SMC2: variants seen among roughly 807,000 people sequenced by gnomAD.
SMC2 encodes the protein structural maintenance of chromosomes protein 2.
A neutral mutation model predicts 142.6 loss-of-function variants in SMC2; 41 were observed. That is an observed-to-expected ratio of 0.29 (90% CI 0.22 to 0.37). The LOEUF is 0.37. Among genes scored for constraint, SMC2 ranks in the 10% least tolerant of loss-of-function variants. The pLI is 1.00. For missense variants in SMC2, 1,265 were observed against 1,373.7 expected (o/e 0.92, Z 1.25); for synonymous variants, 463 against 457.5 (o/e 1.01, Z -0.15).
In SMC2 at chr9:104,118,313, T is replaced by G. The variant is rs768657081; in HGVS notation, c.1934T>G (p.Ile645Arg). The G allele has an allele frequency of 2.5e-6, 4 of 1,613,758 alleles. No homozygotes were observed. Residue 645 changes from isoleucine to arginine, a missense_variant, in exon 15 of 25, where the codon ATA (isoleucine) becomes AGA (arginine). By Grantham distance (97) the Ile-to-Arg change is moderately conservative (BLOSUM62 -3). Transcript: ENST00000374793. Reference protein sequence around the residue: ...NAKKVAFDKRIMTRTVTLGGD... With the variant: ...NAKKVAFDKRRMTRTVTLGGD... ...AAAAAAGTGGCCTTTGATAAGAGGA[T>G]AATGACTAGAACTGTAACTCTCGGA...
At chr9:104,118,136 G>A (rs373521688) in intron 14 of SMC2, 35 bp from the exon 15 acceptor site, 19 of 1,548,518 alleles carry the variant, frequency 1.2e-5, no homozygotes, top group Non-Finnish European at 1.6e-5. Context: ...AAAAGTAGTA[G>A]TATGTACTGT....
intron 23 of SMC2, among the ~76,000 whole-genome samples, chr9:104,136,899 G>T (rs112902328): frequency 6.6e-6 from 1 of 151,638 alleles, no homozygotes; most frequent in East Asian, 1.9e-4. Flanking sequence ...AATCCCAGCA[G>T]TTTGGGAGGC....
chr9:104,125,767 T>C lies in SMC2; in HGVS notation c.2451+662T>C, dbSNP rs73663502. On this transcript the variant is annotated intron_variant, in intron 18 of 24. Coordinates refer to ENST00000374793, the MANE Select transcript of SMC2 (RefSeq NM_006444.3). ...GTTGTAAACTGATGATACTTTGTTA[T>C]ATCTTTTAGCTAATGCCAAAGCTGG... 9.3e-3 allele frequency among the ~76,000 whole-genome samples: 1,414 copies of C among 152,368 alleles called. 29 individuals carry two copies. The highest frequency in any genetic ancestry group is 0.032 in the African/African-American group (1,340 of 41,586).
intron 9 of SMC2, among the ~76,000 whole-genome samples, chr9:104,108,946 G>C (rs1305783597): frequency 6.6e-6 from 1 of 152,106 alleles, no homozygotes; most frequent in Non-Finnish European, 1.5e-5. Context: ...CTGAGCTAAA[G>C]CATGAAAGGA....
intron 23 of SMC2, chr9:104,135,961 G>A (rs1835489670): frequency 3.9e-6 from 2 of 516,900 alleles, no homozygotes; most frequent in East Asian, 1.1e-4. Context: ...ATAAAGGAAA[G>A]AAGAGTGTTG....
chr9:104,114,362 A>G (rs1224653728), intron 12 of SMC2, among the ~76,000 whole-genome samples: 1 of 152,204 alleles, frequency 6.6e-6, no homozygotes, highest in Non-Finnish European at 1.5e-5. Context: ...TGTATCATTA[A>G]TGTTAAATAT....
intron 9 of SMC2, among the ~76,000 whole-genome samples, chr9:104,104,280 A>G (rs555616628): frequency 1.3e-5 from 2 of 152,304 alleles, no homozygotes; most frequent in Non-Finnish European, 2.9e-5. Context: ...CAGACATAAC[A>G]CATTCATACA....
chr9:104,135,623 A>G lies in SMC2; in HGVS notation c.3269+1048A>G, dbSNP rs1057495477. ...GATAAACAGAAACACATACAAAATA[A>G]CAAAGCAAAAGATACATAAAACTGC... On this transcript the variant is annotated intron_variant, in intron 23 of 24. Transcript: ENST00000374793. Among the ~76,000 whole-genome samples the G allele has an allele frequency of 2.6e-5, 4 of 152,206 alleles. No homozygotes were observed. The East Asian group carries it at 7.7e-4, about 29-fold the overall frequency.
Position 104,141,109 on chromosome 9 carries a change from G to T in SMC2, c.*1794G>T, listed in dbSNP as rs1211971660. The T allele has an allele frequency of 6.6e-6, 1 of 152,148 alleles. No homozygotes were observed. The highest frequency in any genetic ancestry group is 1.5e-5 in the Non-Finnish European group (1 of 68,034). 9.4% of individuals were successfully genotyped at this position (152,148 alleles called of 1,614,324 possible). On this transcript the variant is annotated 3_prime_UTR_variant, in exon 25 of 25. Coordinates refer to ENST00000374793, the MANE Select transcript of SMC2 (RefSeq NM_006444.3). ...TTGGGGACATTTGTTTCACACATCTGCAGTAATATGAGTTAACTAATATTT... is the reference window on the plus strand; with the variant it reads ...TTGGGGACATTTGTTTCACACATCTTCAGTAATATGAGTTAACTAATATTT...
intron 22 of SMC2, among the ~76,000 whole-genome samples, chr9:104,133,731 A>G (rs1048356815): frequency 2.0e-5 from 3 of 152,212 alleles, no homozygotes; most frequent in Middle Eastern, 3.4e-3. Flanking sequence ...GTCTCCTTCT[A>G]TGGCAAGACA....
intron 21 of SMC2, among the ~76,000 whole-genome samples, chr9:104,130,777 A>G (rs536453039): frequency 1.6e-4 from 24 of 152,310 alleles, no homozygotes; most frequent in South Asian, 4.1e-4. Flanking sequence ...TTTGATCTGC[A>G]TAACATGAAA....
intron 22 of SMC2, 104 bp from the exon 23 acceptor site, chr9:104,134,311 G>A: frequency 1.3e-6 from 1 of 746,078 alleles, no homozygotes; most frequent in Non-Finnish European, 2.0e-6. Context: ...CTGAGTTAGA[G>A]TAATAGACAA....
At chr9:104,096,394 T>G (rs1830448334) in intron 3 of SMC2, 97 bp downstream of exon 3, 1 of 1,143,506 alleles carries the variant, frequency 8.7e-7, no homozygotes, top group Non-Finnish European at 1.3e-6. Flanking sequence ...AGAAAGTTCA[T>G]GAGCAAAATT....
intron 7 of SMC2, among the ~76,000 whole-genome samples, chr9:104,100,847 T>A (rs920202798): frequency 6.6e-6 from 1 of 152,248 alleles, no homozygotes; most frequent in Non-Finnish European, 1.5e-5. Flanking sequence ...GCAAAAGGTA[T>A]TGAAACAGAG....
intron 16 of SMC2, among the ~76,000 whole-genome samples, chr9:104,121,507 AT>A (rs986332331): frequency 1.2e-4 from 18 of 150,776 alleles, no homozygotes; most frequent in African/African-American, 3.9e-4. Flanking sequence ...AAAAAAAAGA[AT>A]TTTTTTTTTA....
intron 20 of SMC2, among the ~76,000 whole-genome samples, chr9:104,128,548 G>A (rs530728356): frequency 3.3e-5 from 5 of 152,270 alleles, no homozygotes; most frequent in Admixed American, 1.3e-4. Context: ...GTAAGGATGA[G>A]CAACACATAC....
chr9:104,134,645 C>CACAAA, intron 23 of SMC2, 70 bp downstream of exon 23: 2 of 1,107,822 alleles, frequency 1.8e-6, no homozygotes, highest in Non-Finnish European at 2.5e-6. Context: ...TACCTTAAAA[C>CACAAA]TGTATTTGTG....
At chr9:104,105,011 C>T (rs761703423) in intron 9 of SMC2, among the ~76,000 whole-genome samples, 3 of 152,176 alleles carry the variant, frequency 2.0e-5, no homozygotes, top group South Asian at 2.1e-4. Flanking sequence ...TGTGTCTCTG[C>T]GATACCTGAG....
At position 104,095,393 on chromosome 9, in the gene SMC2, T is replaced by C. The variant is rs746373504; in HGVS notation, c.9T>C (p.Ile3=). The change falls in exon 2 of 25, where the codon ATT becomes ATC. Residue 3 remains isoleucine (I), a synonymous_variant. Coordinates refer to ENST00000374793, the MANE Select transcript of SMC2 (RefSeq NM_006444.3). MH[I]KSIILEGFKS... is the part of the protein sequence containing the mutation. ...CCAAGACAGTATCGAAAATGCATAT[T>C]AAGTCAATTATTCTAGAGGGATTCA... is the stretch of plus-strand genomic sequence containing the variant. The C allele has an allele frequency of 6.2e-7, 1 of 1,612,804 alleles. No homozygotes were observed. Among genetic ancestry groups the C allele is most frequent in the South Asian group, 1.1e-5 (1 of 90,956 alleles).
Sources: allele counts gnomAD v4.1 joint callset (sites outside exome capture counted in the v4.1 genomes callset), GRCh38; gene constraint gnomAD v4.1.1; transcripts MANE v1.5; gene names NCBI Gene and HGNC (gene_info 2026-07-23, HGNC 2026-07-21).